The following GUCA1C variants were observed in gnomAD, a reference collection of about 807,000 sequenced individuals.
The protein encoded by GUCA1C is guanylate cyclase activator 1C, also known as guanylyl cyclase-activating protein 3.
In GUCA1C, 15 loss-of-function variants were observed where a neutral mutation model predicts 16.2. The ratio of observed to expected loss-of-function variants is 0.93; its 90% CI spans 0.62 to 1.43. GUCA1C has a LOEUF of 1.43. Ranked by LOEUF, GUCA1C falls within the 40% of genes most tolerant of loss-of-function variation. The pLI is 0.00. For missense variants in GUCA1C, 275 were observed against 244.8 expected (o/e 1.12, Z -0.82); for synonymous variants, 78 against 85.4 (o/e 0.91, Z 0.48).
intron 2 of GUCA1C, 112 bp downstream of exon 2, chr3:108,920,324 T>C: frequency 1.3e-6 from 1 of 752,990 alleles, no homozygotes; most frequent in Non-Finnish European, 2.3e-6. Context: ...CAATTCAAAA[T>C]GTATATCGCC....
chr3:108,947,167 ACT>A (rs1350802445), intron 1 of GUCA1C, among the ~76,000 whole-genome samples: 1 of 152,230 alleles, frequency 6.6e-6, no homozygotes, highest in Non-Finnish European at 1.5e-5. Flanking sequence ...TGATTAACAC[ACT>A]GTTTCTATGT....
chr3:108,953,036 C>G (rs1946912089), intron 1 of GUCA1C, among the ~76,000 whole-genome samples: 1 of 152,002 alleles, frequency 6.6e-6, no homozygotes, highest in Non-Finnish European at 1.5e-5. Context: ...TTCCATTTTT[C>G]CCAAACTAAA....
chr3:108,941,873 G>C (rs1043566393), intron 1 of GUCA1C, among the ~76,000 whole-genome samples: 2 of 152,142 alleles, frequency 1.3e-5, no homozygotes, highest in African/African-American at 4.8e-5. Flanking sequence ...ACGACTGTTT[G>C]GTTACCCATA....
chr3:108,940,693 A>G (rs572059534), intron 1 of GUCA1C, among the ~76,000 whole-genome samples: 6 of 152,370 alleles, frequency 3.9e-5, no homozygotes, highest in Admixed American at 3.9e-4. Context: ...TACAAGCTTG[A>G]TAAGAAGTAC....
chr3:108,953,454 G>A (rs886494155), intron 1 of GUCA1C, 105 bp downstream of exon 1: 4 of 719,996 alleles, frequency 5.6e-6, no homozygotes, highest in South Asian at 5.3e-5. Flanking sequence ...CCATTCAGTG[G>A]GATGTACACA....
At chr3:108,939,826 C>G (rs139972207) in intron 1 of GUCA1C, among the ~76,000 whole-genome samples, 1 of 152,236 alleles carries the variant, frequency 6.6e-6, no homozygotes, top group African/African-American at 2.4e-5. Flanking sequence ...ACATTAGAAT[C>G]ATCAGGCAGC....
At chr3:108,932,340 C>A (rs1470565) in intron 1 of GUCA1C, among the ~76,000 whole-genome samples, 28,797 of 116,242 alleles carry the variant, frequency 0.25, 3,887 homozygotes, top group Non-Finnish European at 0.31. Flanking sequence ...AAAAAAAAAA[C>A]AAAAAAAAAA....
At chr3:108,935,348 G>GAA (rs200598660) in intron 1 of GUCA1C, among the ~76,000 whole-genome samples, 374 of 146,764 alleles carry the variant, frequency 2.5e-3, no homozygotes, top group African/African-American at 8.8e-3. Context: ...AATGAAAATT[G>GAA]AAAAAAAAAT....
chr3:108,948,001 A>G (rs1946859297), intron 1 of GUCA1C, among the ~76,000 whole-genome samples: 1 of 152,102 alleles, frequency 6.6e-6, no homozygotes, highest in Non-Finnish European at 1.5e-5. Flanking sequence ...TCCTTCTCAA[A>G]CGGGATTAGC....
intron 1 of GUCA1C, among the ~76,000 whole-genome samples, chr3:108,925,218 C>T (rs919860497): frequency 1.3e-5 from 2 of 151,622 alleles, no homozygotes; most frequent in Non-Finnish European, 2.9e-5. Context: ...TGAGGTGTGA[C>T]CTTATTTGTG....
At chr3:108,924,684 T>C (rs1946605099) in intron 1 of GUCA1C, among the ~76,000 whole-genome samples, 1 of 152,202 alleles carries the variant, frequency 6.6e-6, no homozygotes, top group Admixed American at 6.5e-5. Context: ...TCCCTCTTTC[T>C]CTAGCTTTTG....
intron 1 of GUCA1C, among the ~76,000 whole-genome samples, chr3:108,949,832 G>C (rs1406262485): frequency 6.6e-6 from 1 of 152,144 alleles, no homozygotes; most frequent in African/African-American, 2.4e-5. Context: ...AATGTGAGAT[G>C]ATTAAAAGAA....
Position 108,907,888 on chromosome 3 carries a change from A to T in GUCA1C, c.*134T>A. 3.1e-6 allele frequency: 2 copies of T among 636,220 alleles called. No homozygotes were observed. Among genetic ancestry groups the T allele is most frequent in the Non-Finnish European group, 5.4e-6 (2 of 367,342 alleles). The allele number at this position is 636,220 out of a possible 1,614,324, so 39.4% of individuals were successfully genotyped here. On this transcript the variant is annotated 3_prime_UTR_variant, in exon 4 of 4. Transcript: ENST00000261047. ...TTATGCAAGTCTCTACTGGATTAAAATAAGTGCTATATTCACAAGCCTATA... is the reference window on the plus strand; with the variant it reads ...TTATGCAAGTCTCTACTGGATTAAATTAAGTGCTATATTCACAAGCCTATA...
chr3:108,947,899 T>TA (rs1434526986), intron 1 of GUCA1C, among the ~76,000 whole-genome samples: 4 of 152,210 alleles, frequency 2.6e-5, no homozygotes, highest in African/African-American at 7.2e-5. Flanking sequence ...TGTTAAATAT[T>TA]AAAAAATTAA....
intron 1 of GUCA1C, among the ~76,000 whole-genome samples, chr3:108,949,435 G>A (rs1008710105): frequency 6.6e-6 from 1 of 152,162 alleles, no homozygotes; most frequent in Non-Finnish European, 1.5e-5. Context: ...CTGAGCCAAA[G>A]CCTGTAGACA....
intron 1 of GUCA1C, among the ~76,000 whole-genome samples, chr3:108,934,970 C>A (rs887277443): frequency 2.6e-5 from 4 of 151,702 alleles, no homozygotes; most frequent in African/African-American, 9.7e-5. Flanking sequence ...CCCGCCACCA[C>A]GCCCGGCTAA....
At chr3:108,925,889 C>T (rs1946618923) in intron 1 of GUCA1C, among the ~76,000 whole-genome samples, 1 of 152,058 alleles carries the variant, frequency 6.6e-6, no homozygotes, top group Non-Finnish European at 1.5e-5. Flanking sequence ...GAGTTTGAGA[C>T]CAGACTGACC....
intron 1 of GUCA1C, among the ~76,000 whole-genome samples, chr3:108,923,826 T>C (rs1343534629): frequency 6.6e-6 from 1 of 152,210 alleles, no homozygotes; most frequent in African/African-American, 2.4e-5. Context: ...AATGATTTCT[T>C]TCAGCAGTGT....
intron 1 of GUCA1C, among the ~76,000 whole-genome samples, chr3:108,940,063 A>G (rs948309082): frequency 2.0e-5 from 3 of 152,228 alleles, no homozygotes; most frequent in African/African-American, 7.2e-5. Context: ...AGCTTAACCA[A>G]AATGTTGTGC....
Sources: allele counts gnomAD v4.1 joint callset (sites outside exome capture counted in the v4.1 genomes callset), GRCh38; gene constraint gnomAD v4.1.1; transcripts MANE v1.5; gene names NCBI Gene and HGNC (gene_info 2026-07-23, HGNC 2026-07-21).